PPP2R2B: variants seen among roughly 807,000 people sequenced by gnomAD.
The protein encoded by PPP2R2B is protein phosphatase 2 regulatory subunit Bbeta.
A neutral mutation model predicts 46.0 loss-of-function variants in PPP2R2B; 5 were observed. The ratio of observed to expected loss-of-function variants is 0.11; its 90% CI spans 0.06 to 0.23. The LOEUF (loss-of-function observed/expected upper bound fraction) is 0.23. Among genes scored for constraint, PPP2R2B ranks in the 10% least tolerant of loss-of-function variants. The pLI, the probability that PPP2R2B is intolerant of heterozygous loss-of-function variation, is 1.00. For missense variants in PPP2R2B, 367 were observed against 575.0 expected (o/e 0.64, Z 3.70); for synonymous variants, 215 against 206.7 (o/e 1.04, Z -0.34).
intron 2 of PPP2R2B, among the ~76,000 whole-genome samples, chr5:146,832,679 CT>C (rs1759034233): frequency 6.6e-6 from 1 of 152,122 alleles, no homozygotes; most frequent in Non-Finnish European, 1.5e-5. Flanking sequence ...GCATGAGCCA[CT>C]GTGCCCGGCC....
chr5:146,955,448 A>G (rs1751847964), intron 1 of PPP2R2B, among the ~76,000 whole-genome samples: 2 of 152,174 alleles, frequency 1.3e-5, no homozygotes, highest in Admixed American at 6.6e-5. Context: ...AATGTTTTAA[A>G]TTGTTCTGTA....
intron 1 of PPP2R2B, among the ~76,000 whole-genome samples, chr5:146,919,123 T>C (rs1214404541): frequency 6.6e-6 from 1 of 152,182 alleles, no homozygotes; most frequent in Admixed American, 6.5e-5. Context: ...AAGACATAAT[T>C]AGCATATGGT....
chr5:146,994,429 G>A (rs1171145630), intron 1 of PPP2R2B, among the ~76,000 whole-genome samples: 1 of 152,036 alleles, frequency 6.6e-6, no homozygotes, highest in Non-Finnish European at 1.5e-5. Flanking sequence ...CATGAGAGAC[G>A]ATCCCAGGAA....
upstream of PPP2R2B, among the ~76,000 whole-genome samples, chr5:147,056,486 T>C (rs1027659752): frequency 6.6e-6 from 1 of 152,122 alleles, no homozygotes; most frequent in Non-Finnish European, 1.5e-5. Context: ...AGTGAAGCAA[T>C]AACTTAGTTC....
At chr5:146,928,661 A>G (rs1242447460) in intron 1 of PPP2R2B, among the ~76,000 whole-genome samples, 2 of 152,126 alleles carry the variant, frequency 1.3e-5, no homozygotes, top group African/African-American at 4.8e-5. Context: ...GATCTCTCAT[A>G]TTCCATACTC....
chr5:147,064,684 T>C (rs1480163125), intron 2 of PPP2R2B, among the ~76,000 whole-genome samples: 1 of 152,238 alleles, frequency 6.6e-6, no homozygotes, highest in East Asian at 1.9e-4. Context: ...CAATCTAGCA[T>C]ATGAAACAAT....
At chr5:146,827,098 T>C (rs540644655) in intron 2 of PPP2R2B, among the ~76,000 whole-genome samples, 13 of 152,276 alleles carry the variant, frequency 8.5e-5, no homozygotes, top group African/African-American at 2.9e-4. Context: ...ATGGCTACTT[T>C]TTCTGTCATA....
At chr5:146,790,165 C>T (rs985280840) in intron 2 of PPP2R2B, among the ~76,000 whole-genome samples, 6 of 152,282 alleles carry the variant, frequency 3.9e-5, no homozygotes, top group African/African-American at 1.4e-4. Context: ...GCCCCAGATG[C>T]AAATGAAAAG....
At chr5:147,011,328 C>T (rs1430223274) in intron 1 of PPP2R2B, among the ~76,000 whole-genome samples, 1 of 152,040 alleles carries the variant, frequency 6.6e-6, no homozygotes, top group African/African-American at 2.4e-5. Context: ...AGGAGCTTTC[C>T]ATTTTCTTCC....
At chr5:146,735,239 A>T (rs1012141265) in intron 2 of PPP2R2B, among the ~76,000 whole-genome samples, 1 of 152,204 alleles carries the variant, frequency 6.6e-6, no homozygotes, top group Non-Finnish European at 1.5e-5. Context: ...AGATCATTTA[A>T]ATCCCAGGCT....
At chr5:146,872,606 T>G (rs1273764555) in intron 2 of PPP2R2B, among the ~76,000 whole-genome samples, 1 of 152,186 alleles carries the variant, frequency 6.6e-6, no homozygotes, top group South Asian at 2.1e-4. Context: ...GAGGAATCTT[T>G]ACTTCCTCAC....
At position 146,639,324 on chromosome 5, in the gene PPP2R2B, C is replaced by A. The variant is rs572342340; in HGVS notation, c.626-909G>T. The stretch of plus-strand genomic sequence containing the variant: ...TGGAAAATATCCTTAGTTTTATCAT[C>A]TGGGTTTTTTTTTCTCAGTATTTCC... On this transcript the variant is annotated intron_variant, in intron 6 of 9. Coordinates refer to ENST00000394411, the MANE Select transcript of PPP2R2B (RefSeq NM_181675.4). 2.0e-5 allele frequency among the ~76,000 whole-genome samples: 3 copies of A among 152,226 alleles called. No homozygotes were observed. The South Asian group carries it at 6.2e-4, about 32-fold the overall frequency.
At position 146,821,872 on chromosome 5, in the gene PPP2R2B, T is replaced by C. The variant is rs143406247; in HGVS notation, c.70+56130A>G. ...TCAAGTATGATGCCACATTGTAAAT[T>C]CCCATTTATGCAAAGTAAGCAAAGG... On this transcript the variant is annotated intron_variant, in intron 2 of 9. Transcript: ENST00000394411. 3.2e-3 allele frequency among the ~76,000 whole-genome samples: 484 copies of C among 152,268 alleles called. 2 individuals are homozygous for C. The highest frequency in any genetic ancestry group is 0.011 in the African/African-American group (461 of 41,550).
intron 2 of PPP2R2B, among the ~76,000 whole-genome samples, chr5:146,764,334 A>G (rs958303990): frequency 3.9e-5 from 6 of 152,166 alleles, no homozygotes; most frequent in Non-Finnish European, 5.9e-5. Flanking sequence ...ACAGATTTAC[A>G]TTTGGATATA....
chr5:147,018,034 C>G (rs1190353323), intron 1 of PPP2R2B, among the ~76,000 whole-genome samples: 2 of 19,744 alleles, frequency 1.0e-4, no homozygotes, highest in African/African-American at 2.3e-4. Context: ...CACACACATG[C>G]ATGCGCGCGC....
chr5:146,815,893 A>G (rs568200042), intron 2 of PPP2R2B, among the ~76,000 whole-genome samples: 53 of 152,332 alleles, frequency 3.5e-4, no homozygotes, highest in African/African-American at 1.3e-3. Context: ...ATTTTTCCCA[A>G]TTGCTCCTAG....
chr5:146,859,569 T>C (rs1277874133), intron 2 of PPP2R2B, among the ~76,000 whole-genome samples: 1 of 152,204 alleles, frequency 6.6e-6, no homozygotes, highest in African/African-American at 2.4e-5. Context: ...GCAGCTTATC[T>C]ATCTAACAAT....
intron 6 of PPP2R2B, among the ~76,000 whole-genome samples, chr5:146,648,261 G>A (rs1775716284): frequency 6.6e-6 from 1 of 152,172 alleles, no homozygotes; most frequent in African/African-American, 2.4e-5. Context: ...ACATTGGGGA[G>A]CTGCAAATGA....
chr5:146,798,024 T>G lies in PPP2R2B; in HGVS notation c.70+79978A>C, dbSNP rs1049186974. The stretch of plus-strand genomic sequence containing the variant: ...TCTCCTTTCAGAGTCTCCCTTCCCA[T>G]AACTACTCCATCCGAGACAGGCATT... On this transcript the variant is annotated intron_variant, in intron 2 of 9. Coordinates refer to ENST00000394411, the MANE Select transcript of PPP2R2B (RefSeq NM_181675.4). 3.9e-3 allele frequency among the ~76,000 whole-genome samples: 592 copies of G among 152,276 alleles called. 7 individuals are homozygous for G. Among genetic ancestry groups the G allele is most frequent in the African/African-American group, 0.014 (565 of 41,556 alleles).
Sources: allele counts gnomAD v4.1 joint callset (sites outside exome capture counted in the v4.1 genomes callset), GRCh38; gene constraint gnomAD v4.1.1; transcripts MANE v1.5; gene names NCBI Gene and HGNC (gene_info 2026-07-23, HGNC 2026-07-21).